Variants in FALEC observed in about 807,000 individuals in gnomAD.
FALEC encodes the protein focally amplified lncRNA regulator of ECM1.
downstream of FALEC, among the ~76,000 whole-genome samples, chr1:150,522,849 C>CTA (rs1488721164): frequency 1.4e-3 from 126 of 90,160 alleles, 6 homozygotes; most frequent in East Asian, 4.5e-3. Context: ...CTCTCTCTCT[C>CTA]TCTATATATA....
the FALEC span, among the ~76,000 whole-genome samples, chr1:150,533,367 G>A: frequency 6.6e-6 from 1 of 150,534 alleles, no homozygotes; most frequent in Admixed American, 6.6e-5. Flanking sequence ...ATCGAGTGTG[G>A]AAACTCCGAA....
intron 1 of FALEC, among the ~76,000 whole-genome samples, chr1:150,516,269 G>T (rs367652290): frequency 2.6e-5 from 4 of 152,108 alleles, no homozygotes; most frequent in Non-Finnish European, 4.4e-5. Flanking sequence ...GGAGCGGGGG[G>T]GCTTTGGTCT....
At chr1:150,521,032 C>T (rs1560270087), downstream of FALEC, among the ~76,000 whole-genome samples, 1 of 152,040 alleles carries the variant, frequency 6.6e-6, no homozygotes, top group Admixed American at 6.6e-5. Flanking sequence ...AACTCCCGAC[C>T]TCAGGTGATC....
At chr1:150,517,544 T>C (rs957183104) in intron 1 of FALEC, among the ~76,000 whole-genome samples, 2 of 152,098 alleles carry the variant, frequency 1.3e-5, no homozygotes, top group African/African-American at 4.8e-5. Context: ...AATTAGGTCA[T>C]GAGGGTGGAG....
chr1:150,531,982 G>A, the FALEC span, among the ~76,000 whole-genome samples: 1 of 152,218 alleles, frequency 6.6e-6, no homozygotes, highest in Non-Finnish European at 1.5e-5. Flanking sequence ...TTGGCTCACT[G>A]CAAGCTCCGC....
At chr1:150,530,758 A>G in the FALEC span, among the ~76,000 whole-genome samples, 2 of 152,192 alleles carry the variant, frequency 1.3e-5, no homozygotes, top group Non-Finnish European at 2.9e-5. Flanking sequence ...GCCCTTCCTC[A>G]GAGTATTCCC....
the FALEC span, among the ~76,000 whole-genome samples, chr1:150,534,245 C>G: frequency 6.6e-6 from 1 of 152,200 alleles, no homozygotes; most frequent in Non-Finnish European, 1.5e-5. Flanking sequence ...GAGGCTGCAG[C>G]TGCCCTGCAG....
At chr1:150,532,622 C>G in the FALEC span, among the ~76,000 whole-genome samples, 1 of 152,158 alleles carries the variant, frequency 6.6e-6, no homozygotes, top group African/African-American at 2.4e-5. Context: ...AGATTCTTAT[C>G]TCACCTCCAC....
chr1:150,534,036 A>G, the FALEC span, among the ~76,000 whole-genome samples: 1 of 152,218 alleles, frequency 6.6e-6, no homozygotes, highest in Non-Finnish European at 1.5e-5. Context: ...AAGTCTCGGC[A>G]TGGCAGGAAC....
the FALEC span, among the ~76,000 whole-genome samples, chr1:150,524,145 T>A: frequency 6.6e-6 from 1 of 152,140 alleles, no homozygotes; most frequent in Non-Finnish European, 1.5e-5. Flanking sequence ...GTTTTTTAAT[T>A]TTTTTATTTT....
the FALEC span, among the ~76,000 whole-genome samples, chr1:150,526,144 C>CGAGGTCAG: frequency 6.6e-6 from 1 of 151,812 alleles, no homozygotes; most frequent in African/African-American, 2.4e-5. Context: ...GGGCGGATCA[C>CGAGGTCAG]GAGGTCAGGA....
At chr1:150,515,912 T>G (rs1670562932) in exon 1 of FALEC, 1 of 152,302 alleles carries the variant, frequency 6.6e-6, no homozygotes, top group African/African-American at 2.4e-5. Flanking sequence ...CCACGAAGCC[T>G]TGTCACCTGG....
the FALEC span, among the ~76,000 whole-genome samples, chr1:150,528,741 C>T: frequency 2.0e-5 from 3 of 151,864 alleles, no homozygotes; most frequent in Non-Finnish European, 4.4e-5. Context: ...CCCACCACCA[C>T]GCCCAGCTAA....
the FALEC span, among the ~76,000 whole-genome samples, chr1:150,523,640 C>T: frequency 3.7e-5 from 5 of 136,562 alleles, no homozygotes; most frequent in Middle Eastern, 3.8e-3. Context: ...GGTAACAGAG[C>T]GAGACTCCGT....
At chr1:150,523,531 G>C in the FALEC span, among the ~76,000 whole-genome samples, 1 of 151,236 alleles carries the variant, frequency 6.6e-6, no homozygotes, top group Non-Finnish European at 1.5e-5. Context: ...GTGCATGCCT[G>C]TAGTCCCAGC....
chr1:150,525,032 C>T, the FALEC span, among the ~76,000 whole-genome samples: 2 of 149,374 alleles, frequency 1.3e-5, no homozygotes, highest in Non-Finnish European at 3.0e-5. Flanking sequence ...TGCAGTGGCT[C>T]ACGCCTGTAA....
At chr1:150,536,698 A>T in the FALEC span, among the ~76,000 whole-genome samples, 1 of 152,144 alleles carries the variant, frequency 6.6e-6, no homozygotes, top group Non-Finnish European at 1.5e-5. Context: ...CTGAGTGGGG[A>T]GGATATTTTG....
chr1:150,520,731 T>C (rs1670627675), downstream of FALEC, among the ~76,000 whole-genome samples: 1 of 151,932 alleles, frequency 6.6e-6, no homozygotes, highest in African/African-American at 2.4e-5. Context: ...TAAATATGCA[T>C]TCATGTTATT....
chr1:150,525,218 C>T, the FALEC span, among the ~76,000 whole-genome samples: 3 of 152,112 alleles, frequency 2.0e-5, no homozygotes, highest in Non-Finnish European at 2.9e-5. Flanking sequence ...ACCCAGTAGG[C>T]GGAGCTTGCA....
Sources: allele counts gnomAD v4.1 joint callset (sites outside exome capture counted in the v4.1 genomes callset), GRCh38; gene constraint gnomAD v4.1.1; transcripts MANE v1.5; gene names NCBI Gene and HGNC (gene_info 2026-07-23, HGNC 2026-07-21).